The following XKR4 variants were observed in gnomAD, a reference collection of about 807,000 sequenced individuals.
XKR4 encodes XK-related protein 4.
XKR4 carries 12 observed loss-of-function variants against 53.9 expected under a neutral mutation model. That is an observed-to-expected ratio of 0.22 (90% CI 0.14 to 0.36). The LOEUF is 0.36. XKR4 is among the 10% of genes least tolerant of loss of function. The probability of loss-of-function intolerance (pLI) is 1.00; values close to 1 mark genes in which losing one functional copy is unlikely to be tolerated. For synonymous variants in XKR4, 354 were observed against 362.4 expected, an observed-to-expected ratio of 0.98 and a Z score of 0.26; for missense variants, 799 against 859.5, an observed-to-expected ratio of 0.93 and a Z score of 0.88.
At position 55,102,475 on chromosome 8, in the gene XKR4, G is replaced by A. The variant is rs1361593280; in HGVS notation, c.-14G>A. 3.9e-6 allele frequency: 6 copies of A among 1,546,954 alleles called. No homozygotes were observed. The South Asian group carries it at 4.5e-5, about 12-fold the overall frequency. On this transcript the variant is annotated 5_prime_UTR_variant, in exon 1 of 3. Coordinates refer to ENST00000327381, the MANE Select transcript of XKR4 (RefSeq NM_052898.2). The surrounding 1 kb of genome is among the most constrained non-coding windows in gnomAD (Gnocchi z 5.1). ...GTCAGATAAAGGAGGGCTCTCCTCC[G>A]GTGTGGAGGCATCATGGCCGCTAAA...
intron 2 of XKR4, chr8:55,454,612 G>A (rs1368646423): frequency 1.4e-5 from 18 of 1,304,358 alleles, no homozygotes; most frequent in Non-Finnish European, 1.7e-5. Flanking sequence ...CAAATAAATC[G>A]TCCTCTACTA....
At chr8:55,479,577 C>CA (rs1438234593) in intron 2 of XKR4, among the ~76,000 whole-genome samples, 1 of 151,910 alleles carries the variant, frequency 6.6e-6, no homozygotes, top group Non-Finnish European at 1.5e-5. Flanking sequence ...AATAGAGACA[C>CA]AAAAAACCCT....
intron 1 of XKR4, among the ~76,000 whole-genome samples, chr8:55,285,480 T>C (rs1818895738): frequency 6.6e-6 from 1 of 151,822 alleles, no homozygotes; most frequent in Non-Finnish European, 1.5e-5. Context: ...ATGGTAGATA[T>C]GCATGACAGA....
intron 2 of XKR4, among the ~76,000 whole-genome samples, chr8:55,370,988 G>A (rs1409649669): frequency 1.3e-5 from 2 of 151,544 alleles, no homozygotes; most frequent in African/African-American, 2.4e-5. Flanking sequence ...TCAGTCTAAT[G>A]GAAAAGAGAG....
chr8:55,351,166 T>C (rs1380323243), intron 1 of XKR4, among the ~76,000 whole-genome samples: 1 of 152,220 alleles, frequency 6.6e-6, no homozygotes, highest in Non-Finnish European at 1.5e-5. Context: ...GTAAATTTTA[T>C]GTTATATATA....
intron 2 of XKR4, among the ~76,000 whole-genome samples, chr8:55,403,306 C>T (rs562174986): frequency 6.6e-6 from 1 of 152,188 alleles, no homozygotes; most frequent in Non-Finnish European, 1.5e-5. Context: ...CTCTTACCAG[C>T]CAATTACTTG....
At chr8:55,230,418 A>G (rs1249347741) in intron 1 of XKR4, among the ~76,000 whole-genome samples, 1 of 142,618 alleles carries the variant, frequency 7.0e-6, no homozygotes, top group Non-Finnish European at 1.5e-5. Flanking sequence ...CCTTGAGTGC[A>G]GTGGTGCAAG....
intron 1 of XKR4, among the ~76,000 whole-genome samples, chr8:55,160,596 C>G (rs148053779): frequency 6.6e-6 from 1 of 152,344 alleles, no homozygotes; most frequent in African/African-American, 2.4e-5. Context: ...CTTCCTTACT[C>G]CCTCAGAGGG....
rs542641427 is a variant in XKR4 at position 55,500,161 on chromosome 8, T to G, written c.1007-23120T>G. 2.0e-3 allele frequency among the ~76,000 whole-genome samples: 263 copies of G among 133,244 alleles called. 1 individual carries two copies. The highest frequency in any genetic ancestry group is 7.4e-3 in the African/African-American group (250 of 33,980). The allele number at this position is 133,244 out of a possible 152,430, so 87.4% of individuals were successfully genotyped here. A position where few individuals can be genotyped will look rare whatever the true frequency, so the allele number is the denominator to read the frequency against. ...CTACTCAGAAGTTCTGGGAAAAGCA[T>G]CTGCTCCTTCAAATTGGGCCAAAAA... On this transcript the variant is annotated intron_variant, in intron 2 of 2. Coordinates refer to ENST00000327381, the MANE Select transcript of XKR4 (RefSeq NM_052898.2).
intron 2 of XKR4, chr8:55,520,813 C>T (rs1291051680): frequency 6.6e-6 from 1 of 152,432 alleles, no homozygotes; most frequent in Non-Finnish European, 1.5e-5. Flanking sequence ...TCTTTTAGGA[C>T]ACGCAATAAA....
chr8:55,219,385 C>T (rs1817850595), intron 1 of XKR4, among the ~76,000 whole-genome samples: 1 of 152,162 alleles, frequency 6.6e-6, no homozygotes, highest in Non-Finnish European at 1.5e-5. Context: ...GCTTGGATTA[C>T]ACAGCTCTTG....
At chr8:55,489,392 C>G (rs1806240795) in intron 2 of XKR4, among the ~76,000 whole-genome samples, 1 of 151,916 alleles carries the variant, frequency 6.6e-6, no homozygotes, top group Non-Finnish European at 1.5e-5. Context: ...GTCAATTTTG[C>G]TACAAAAGAG....
intron 2 of XKR4, among the ~76,000 whole-genome samples, chr8:55,517,973 T>C (rs908154890): frequency 3.3e-5 from 5 of 152,242 alleles, no homozygotes; most frequent in Non-Finnish European, 7.3e-5. Context: ...TGTGGGCCAG[T>C]GACCAGAAGT....
intron 1 of XKR4, among the ~76,000 whole-genome samples, chr8:55,265,227 CCT>C (rs889568458): frequency 2.0e-5 from 3 of 152,222 alleles, no homozygotes; most frequent in African/African-American, 7.2e-5. Context: ...CTAGCAGTGT[CCT>C]CTCTGCAGAG....
intron 1 of XKR4, among the ~76,000 whole-genome samples, chr8:55,308,903 G>T (rs778474416): frequency 1.4e-4 from 21 of 152,192 alleles, no homozygotes; most frequent in Non-Finnish European, 2.5e-4. Flanking sequence ...GAAATGGAGA[G>T]ATTCTCCTGG....
intron 1 of XKR4, among the ~76,000 whole-genome samples, chr8:55,357,150 G>A (rs1045607420): frequency 2.0e-5 from 3 of 152,118 alleles, no homozygotes; most frequent in African/African-American, 7.2e-5. Context: ...AGGATCAACT[G>A]TACTTACACT....
At chr8:55,145,466 A>C (rs1334584542) in intron 1 of XKR4, among the ~76,000 whole-genome samples, 1 of 152,126 alleles carries the variant, frequency 6.6e-6, no homozygotes, top group Non-Finnish European at 1.5e-5. Context: ...GAGGATTGCA[A>C]TGTTTTAGAT....
At chr8:55,405,215 G>A (rs1374396641) in intron 2 of XKR4, among the ~76,000 whole-genome samples, 1 of 152,172 alleles carries the variant, frequency 6.6e-6, no homozygotes, top group Non-Finnish European at 1.5e-5. Flanking sequence ...TATTGTCACA[G>A]TTGAATTGGA....
At chr8:55,262,760 A>C (rs1378013400) in intron 1 of XKR4, among the ~76,000 whole-genome samples, 1 of 152,206 alleles carries the variant, frequency 6.6e-6, no homozygotes, top group South Asian at 2.1e-4. Context: ...TGACTATGAC[A>C]GTGGTAGAGC....
Sources: allele counts gnomAD v4.1 joint callset (sites outside exome capture counted in the v4.1 genomes callset), GRCh38; gene constraint gnomAD v4.1.1; non-coding constraint Gnocchi (gnomAD v3.1); transcripts MANE v1.5; gene names NCBI Gene and HGNC (gene_info 2026-07-23, HGNC 2026-07-21).